ASAP1: variants seen among roughly 807,000 people sequenced by gnomAD.
ASAP1 encodes ArfGAP with SH3 domain, ankyrin repeat and PH domain 1.
Under a neutral mutation model 145.2 loss-of-function variants are expected in ASAP1, and 43 were observed. The observed-to-expected ratio is 0.30, with a 90% confidence interval of 0.23 to 0.38. The LOEUF is 0.38. ASAP1 is among the 10% of genes least tolerant of loss of function. ASAP1 has a pLI of 1.00. For missense variants in ASAP1, 1,018 were observed against 1,355.3 expected (o/e 0.75, Z 3.91); for synonymous variants, 546 against 515.5 (o/e 1.06, Z -0.80).
At position 130,118,535 on chromosome 8, in the gene ASAP1, T is replaced by C. The variant is rs762560141; in HGVS notation, c.1748A>G (p.Tyr583Cys). The C allele has an allele frequency of 3.3e-5, 53 of 1,613,990 alleles. No homozygotes were observed. The highest frequency in any genetic ancestry group is 1.6e-4 in the Middle Eastern group (1 of 6,084). ...SRDLLALIQVYAEGVELMEPL... is the reference protein window; with the variant it reads ...SRDLLALIQVCAEGVELMEPL... Reference sequence around the variant, plus strand: ...TTCCATTAGCTCTACCCCTTCTGCATAGACTTGAATTAGTGCAAGTAAATC... The same window carrying C: ...TTCCATTAGCTCTACCCCTTCTGCACAGACTTGAATTAGTGCAAGTAAATC... Residue 583 changes from tyrosine (Y) to cysteine (C), a missense_variant, in exon 19 of 30, where the codon TAT becomes TGT. Physicochemically the swap from Tyr to Cys is radical, Grantham distance 194. Transcript: ENST00000518721.
intron 3 of ASAP1, among the ~76,000 whole-genome samples, chr8:130,268,996 C>T (rs1288151314): frequency 1.3e-5 from 2 of 152,108 alleles, no homozygotes; most frequent in African/African-American, 4.8e-5. Flanking sequence ...GGCACTTAAA[C>T]TACTAACAAA....
intron 3 of ASAP1, among the ~76,000 whole-genome samples, chr8:130,351,247 C>T (rs894679600): frequency 6.6e-6 from 1 of 152,106 alleles, no homozygotes; most frequent in Non-Finnish European, 1.5e-5. Flanking sequence ...ACAGAAGAAA[C>T]GGAATGGGTT....
intron 5 of ASAP1, among the ~76,000 whole-genome samples, chr8:130,205,591 C>CT (rs10679649): frequency 0.17 from 20,194 of 119,166 alleles, 2,161 homozygotes; most frequent in Non-Finnish European, 0.23. Context: ...AAATACACGG[C>CT]TTTTTTTTTT....
At chr8:130,143,183 T>C (rs954172364) in intron 13 of ASAP1, among the ~76,000 whole-genome samples, 5 of 152,228 alleles carry the variant, frequency 3.3e-5, no homozygotes, top group Non-Finnish European at 5.9e-5. Flanking sequence ...AATATAGTTA[T>C]GACACTTTTC....
At chr8:130,289,399 T>G (rs1026532047) in intron 3 of ASAP1, among the ~76,000 whole-genome samples, 3 of 152,224 alleles carry the variant, frequency 2.0e-5, no homozygotes, top group African/African-American at 7.2e-5. Flanking sequence ...AGTATGTGTG[T>G]TACTTTTACA....
At chr8:130,236,624 T>G (rs897385847) in intron 4 of ASAP1, among the ~76,000 whole-genome samples, 1 of 152,138 alleles carries the variant, frequency 6.6e-6, no homozygotes, top group Non-Finnish European at 1.5e-5. Flanking sequence ...TTGACCAAAT[T>G]CACACAGAGA....
At chr8:130,152,080 A>T (rs886614359) in intron 13 of ASAP1, among the ~76,000 whole-genome samples, 2 of 152,256 alleles carry the variant, frequency 1.3e-5, no homozygotes, top group Admixed American at 1.3e-4. Flanking sequence ...AATTGCCAAC[A>T]TAATAAATGC....
chr8:130,321,337 T>C (rs1446462180), intron 3 of ASAP1, among the ~76,000 whole-genome samples: 1 of 152,074 alleles, frequency 6.6e-6, no homozygotes, highest in Non-Finnish European at 1.5e-5. Context: ...TTTGACCATG[T>C]GGGCTTACAC....
chr8:130,340,398 A>G (rs1171382723), intron 3 of ASAP1, among the ~76,000 whole-genome samples: 1 of 152,186 alleles, frequency 6.6e-6, no homozygotes, highest in Admixed American at 6.5e-5. Context: ...AATAAACACA[A>G]ATTAACTCAC....
intron 27 of ASAP1, among the ~76,000 whole-genome samples, chr8:130,072,595 C>A: frequency 6.7e-6 from 1 of 149,898 alleles, no homozygotes; most frequent in South Asian, 2.1e-4. Flanking sequence ...TAATACAGCA[C>A]CCCTTCCCCC....
At chr8:130,304,516 C>T (rs1822874027) in intron 3 of ASAP1, among the ~76,000 whole-genome samples, 1 of 152,224 alleles carries the variant, frequency 6.6e-6, no homozygotes, top group Non-Finnish European at 1.5e-5. Flanking sequence ...AACCTTCACG[C>T]ATCTGCACTC....
At chr8:130,381,211 T>C (rs1827752672) in intron 2 of ASAP1, among the ~76,000 whole-genome samples, 1 of 152,100 alleles carries the variant, frequency 6.6e-6, no homozygotes, top group South Asian at 2.1e-4. Context: ...ATATCTTTTG[T>C]AGAGAGGAGG....
chr8:130,346,910 C>T (rs1185113700), intron 3 of ASAP1, among the ~76,000 whole-genome samples: 2 of 152,154 alleles, frequency 1.3e-5, no homozygotes, highest in East Asian at 3.9e-4. Flanking sequence ...AGGAAATGGG[C>T]ATCATAAAAA....
chr8:130,365,055 C>T (rs924367842), intron 2 of ASAP1, among the ~76,000 whole-genome samples: 2 of 152,202 alleles, frequency 1.3e-5, no homozygotes, highest in Non-Finnish European at 2.9e-5. Context: ...TGACAGCATT[C>T]AGGGACTAAA....
intron 24 of ASAP1, among the ~76,000 whole-genome samples, chr8:130,094,923 C>T (rs1478096630): frequency 2.0e-5 from 3 of 152,024 alleles, no homozygotes; most frequent in African/African-American, 7.3e-5. Flanking sequence ...TGCTAGGAAA[C>T]AAAAATTGTC....
chr8:130,340,779 T>A (rs1278106615), intron 3 of ASAP1: 2 of 398,288 alleles, frequency 5.0e-6, no homozygotes, highest in Non-Finnish European at 1.0e-5. Flanking sequence ...AAAGCTATTT[T>A]AAGGATAAAA....
intron 3 of ASAP1, chr8:130,340,743 C>T (rs1565224461): frequency 2.7e-6 from 1 of 366,028 alleles, no homozygotes; most frequent in Non-Finnish European, 5.5e-6. Flanking sequence ...CATTCATTCA[C>T]TTCCTGTGAA....
At chr8:130,400,651 C>T (rs1309224512) in intron 2 of ASAP1, among the ~76,000 whole-genome samples, 4 of 152,006 alleles carry the variant, frequency 2.6e-5, no homozygotes, top group Middle Eastern at 3.4e-3. Context: ...ATTAGCTGGG[C>T]GTGATGGCAG....
At chr8:130,146,130 T>C (rs1019098746) in intron 13 of ASAP1, among the ~76,000 whole-genome samples, 4 of 151,402 alleles carry the variant, frequency 2.6e-5, no homozygotes, top group Non-Finnish European at 5.9e-5. Flanking sequence ...TGAGAGCCAA[T>C]GCACCTGGCC....
Sources: gnomAD v4.1 joint callset for allele counts (sites outside exome capture counted in the v4.1 genomes callset) on GRCh38, gnomAD v4.1.1 for gene constraint, MANE v1.5 for transcripts, NCBI Gene and HGNC (gene_info 2026-07-23, HGNC 2026-07-21) for gene names.